SPAG16: variants seen among roughly 807,000 people sequenced by gnomAD.
SPAG16 encodes the protein sperm associated antigen 16.
Under a neutral mutation model 80.4 loss-of-function variants are expected in SPAG16, and 86 were observed. That is an observed-to-expected ratio of 1.07 (90% CI 0.90 to 1.28). The LOEUF (loss-of-function observed/expected upper bound fraction) is 1.28. Ranked by LOEUF, SPAG16 falls within the 50% of genes most tolerant of loss-of-function variation. The probability of loss-of-function intolerance (pLI) is 0.00; values close to 1 mark genes in which losing one functional copy is unlikely to be tolerated. For synonymous variants in SPAG16, 294 were observed against 265.9 expected (o/e 1.11, Z -1.03); for missense variants, 870 against 765.3 (o/e 1.14, Z -1.61).
chr2:213,748,578 T>C (rs1489946600), intron 10 of SPAG16, among the ~76,000 whole-genome samples: 1 of 152,162 alleles, frequency 6.6e-6, no homozygotes, highest in East Asian at 1.9e-4. Context: ...ATATGTTTAC[T>C]GTGTTTATTT....
At chr2:213,853,481 T>G (rs2105916087) in intron 10 of SPAG16, among the ~76,000 whole-genome samples, 1 of 152,346 alleles carries the variant, frequency 6.6e-6, no homozygotes, top group East Asian at 1.9e-4. Context: ...TAATATTTTA[T>G]GTAACATGCC....
intron 10 of SPAG16, among the ~76,000 whole-genome samples, chr2:213,608,729 G>C (rs1574479353): frequency 6.6e-6 from 1 of 152,244 alleles, no homozygotes; most frequent in African/African-American, 2.4e-5. Flanking sequence ...TGTCCCCCCA[G>C]GCTGGAGTGC....
chr2:214,224,576 A>T (rs1452717352), intron 15 of SPAG16, among the ~76,000 whole-genome samples: 1 of 152,196 alleles, frequency 6.6e-6, no homozygotes, highest in Non-Finnish European at 1.5e-5. Flanking sequence ...AAGGAGTTGC[A>T]GACTAAGGGA....
At chr2:213,824,599 A>G (rs2073155209) in intron 10 of SPAG16, among the ~76,000 whole-genome samples, 1 of 152,092 alleles carries the variant, frequency 6.6e-6, no homozygotes, top group South Asian at 2.1e-4. Flanking sequence ...CCATTGGCCT[A>G]TATATCTTTT....
intron 13 of SPAG16, among the ~76,000 whole-genome samples, chr2:214,103,494 G>A (rs2053197384): frequency 6.6e-6 from 1 of 152,188 alleles, no homozygotes; most frequent in African/African-American, 2.4e-5. Flanking sequence ...GAGACGTCAG[G>A]AAATTAGATC....
At chr2:214,169,087 T>C (rs150685863) in intron 15 of SPAG16, among the ~76,000 whole-genome samples, 102 of 152,266 alleles carry the variant, frequency 6.7e-4, no homozygotes, top group African/African-American at 2.4e-3. Flanking sequence ...TTTTGTAGGT[T>C]AGAACATTAT....
chr2:213,666,435 C>G (rs570446114), intron 10 of SPAG16, among the ~76,000 whole-genome samples: 1 of 152,094 alleles, frequency 6.6e-6, no homozygotes, highest in Non-Finnish European at 1.5e-5. Context: ...TCAGTGATAT[C>G]ATTAGTTATC....
chr2:213,547,578 G>T (rs570548898), intron 10 of SPAG16, among the ~76,000 whole-genome samples: 4 of 152,094 alleles, frequency 2.6e-5, no homozygotes, highest in African/African-American at 9.6e-5. Flanking sequence ...TTAAATCATG[G>T]TATACAGAAA....
chr2:214,046,147 C>A (rs2049312220), intron 13 of SPAG16, among the ~76,000 whole-genome samples: 1 of 151,970 alleles, frequency 6.6e-6, no homozygotes, highest in Non-Finnish European at 1.5e-5. Context: ...CAAGATTGAA[C>A]CATGAAGAAA....
rs549353988 is a variant in SPAG16, at chr2:213,680,427, T to C, written c.1071-182058T>C. ...ACTTACGAGGAACAAATACCTTCTCTAGTAGTTAAAAAAAAAAAAAAGATG... is the reference window on the plus strand; with the variant it reads ...ACTTACGAGGAACAAATACCTTCTCCAGTAGTTAAAAAAAAAAAAAAGATG... On this transcript the variant is annotated intron_variant, in intron 10 of 15. Coordinates refer to ENST00000331683, the MANE Select transcript of SPAG16 (RefSeq NM_024532.5). Among the ~76,000 whole-genome samples, 11 of 133,010 alleles carry C rather than the reference T, an allele frequency of 8.3e-5. No individual in the cohort carries two copies. The East Asian group carries it at 2.1e-3, about 26-fold the overall frequency. 87.3% of individuals were successfully genotyped at this position (133,010 alleles called of 152,430 possible). A position where few individuals can be genotyped will look rare whatever the true frequency, so the allele number is the denominator to read the frequency against.
intron 10 of SPAG16, among the ~76,000 whole-genome samples, chr2:213,738,572 A>G (rs2067399244): frequency 1.3e-5 from 2 of 152,366 alleles, no homozygotes; most frequent in South Asian, 4.1e-4. Flanking sequence ...CATGGCAAAT[A>G]TATACCTTAT....
At chr2:214,303,376 T>G (rs1167175401) in intron 15 of SPAG16, among the ~76,000 whole-genome samples, 1 of 152,180 alleles carries the variant, frequency 6.6e-6, no homozygotes, top group Non-Finnish European at 1.5e-5. Flanking sequence ...TCTCCTTCAT[T>G]TATGAAATTA....
chr2:214,232,365 A>G (rs2125804156), intron 15 of SPAG16, among the ~76,000 whole-genome samples: 1 of 152,008 alleles, frequency 6.6e-6, no homozygotes, highest in South Asian at 2.1e-4. Flanking sequence ...TCACTTTATT[A>G]TTTTCATTTT....
intron 15 of SPAG16, among the ~76,000 whole-genome samples, chr2:214,300,083 A>G (rs1447282311): frequency 6.6e-6 from 1 of 152,180 alleles, no homozygotes; most frequent in East Asian, 1.9e-4. Context: ...TTCCTATTAT[A>G]AAAGAGAACA....
chr2:214,401,384 T>G (rs1306290791), intron 15 of SPAG16, among the ~76,000 whole-genome samples: 1 of 151,964 alleles, frequency 6.6e-6, no homozygotes, highest in Non-Finnish European at 1.5e-5. Flanking sequence ...ATCATTTCCT[T>G]ATTCATCAAA....
chr2:213,884,303 G>A (rs928824149), intron 11 of SPAG16, among the ~76,000 whole-genome samples: 2 of 152,150 alleles, frequency 1.3e-5, no homozygotes, highest in African/African-American at 4.8e-5. Flanking sequence ...TGGTTGGAAT[G>A]TCTTTCCTTT....
intron 15 of SPAG16, among the ~76,000 whole-genome samples, chr2:214,310,111 G>A (rs1234761280): frequency 6.6e-6 from 1 of 151,426 alleles, no homozygotes; most frequent in Non-Finnish European, 1.5e-5. Context: ...TTACACTGCT[G>A]GAGTTACTGA....
intron 10 of SPAG16, among the ~76,000 whole-genome samples, chr2:213,836,014 T>C (rs912259289): frequency 6.6e-6 from 1 of 152,166 alleles, no homozygotes; most frequent in African/African-American, 2.4e-5. Flanking sequence ...GGTTTCTTTA[T>C]ATGAGACAAA....
At chr2:213,739,047 A>T (rs966257365) in intron 10 of SPAG16, among the ~76,000 whole-genome samples, 3 of 152,340 alleles carry the variant, frequency 2.0e-5, no homozygotes, top group Non-Finnish European at 4.4e-5. Context: ...AACATAGCAA[A>T]ATCAATCATC....
Sources: gnomAD v4.1 joint callset for allele counts (sites outside exome capture counted in the v4.1 genomes callset) on GRCh38, gnomAD v4.1.1 for gene constraint, MANE v1.5 for transcripts, NCBI Gene and HGNC (gene_info 2026-07-23, HGNC 2026-07-21) for gene names.